KRABD5: variants seen among roughly 807,000 people sequenced by gnomAD.
KRABD5 encodes KRAB domain containing 5, also known as KRAB domain-containing protein 5.
the KRABD5 span, chr16:31,754,179 G>T: frequency 1.5e-6 from 1 of 689,138 alleles, no homozygotes; most frequent in Non-Finnish European, 2.6e-6. Flanking sequence ...TGGAGTAAAT[G>T]TTCAGTCAAA....
the KRABD5 span, among the ~76,000 whole-genome samples, chr16:31,726,497 AC>A: frequency 3.9e-5 from 6 of 152,188 alleles, no homozygotes; most frequent in African/African-American, 7.2e-5. Context: ...GCAGTGGCTC[AC>A]ACCTGTAATC....
chr16:31,726,638 G>GTAA, the KRABD5 span, among the ~76,000 whole-genome samples: 2 of 152,168 alleles, frequency 1.3e-5, no homozygotes, highest in East Asian at 3.8e-4. Flanking sequence ...GTGCATACCT[G>GTAA]TAATGTCAGC....
chr16:31,730,158 C>T, the KRABD5 span, among the ~76,000 whole-genome samples: 3 of 151,964 alleles, frequency 2.0e-5, no homozygotes, highest in Non-Finnish European at 4.4e-5. Context: ...CATTTCATCA[C>T]TTCAACTTGA....
At chr16:31,753,765 G>T in the KRABD5 span, 1 of 1,476,134 alleles carries the variant, frequency 6.8e-7, no homozygotes, top group Non-Finnish European at 9.0e-7. Flanking sequence ...GTATCTTTCA[G>T]ATATCTTTTC....
the KRABD5 span, chr16:31,754,336 A>C: frequency 1.6e-6 from 1 of 612,978 alleles, no homozygotes; most frequent in Admixed American, 2.9e-5. Flanking sequence ...TTCATTCATC[A>C]TTGCTTAATC....
At chr16:31,713,563 C>A in the KRABD5 span, 1 of 1,347,166 alleles carries the variant, frequency 7.4e-7, no homozygotes, top group African/African-American at 1.5e-5. Flanking sequence ...GCCCTTGGTC[C>A]CCTCCGCCGC....
the KRABD5 span, chr16:31,758,227 A>T: frequency 6.6e-6 from 1 of 152,218 alleles, no homozygotes; most frequent in Non-Finnish European, 1.5e-5. Context: ...CAATGGTCCA[A>T]GCTCCAACAA....
chr16:31,732,766 A>G, the KRABD5 span, among the ~76,000 whole-genome samples: 1 of 152,162 alleles, frequency 6.6e-6, no homozygotes, highest in African/African-American at 2.4e-5. Flanking sequence ...TTGAATATTT[A>G]CTCATTAAAA....
chr16:31,753,355 C>T, the KRABD5 span, among the ~76,000 whole-genome samples: 1 of 152,194 alleles, frequency 6.6e-6, no homozygotes, highest in African/African-American at 2.4e-5. Context: ...CCATTTTCTT[C>T]AGCACCACAT....
At chr16:31,728,583 C>T in the KRABD5 span, among the ~76,000 whole-genome samples, 5 of 151,758 alleles carry the variant, frequency 3.3e-5, no homozygotes, top group South Asian at 2.1e-4. Context: ...TTAATATTTA[C>T]GTATTTGTGA....
At chr16:31,729,074 G>A in the KRABD5 span, among the ~76,000 whole-genome samples, 8 of 152,142 alleles carry the variant, frequency 5.3e-5, no homozygotes, top group African/African-American at 1.4e-4. Flanking sequence ...AGCCTGTTTT[G>A]TCTAATGTAA....
chr16:31,734,878 CT>C, the KRABD5 span, among the ~76,000 whole-genome samples: 1 of 151,920 alleles, frequency 6.6e-6, no homozygotes, highest in African/African-American at 2.4e-5. Flanking sequence ...TCCTGAGTAG[CT>C]GTGATTACAG....
the KRABD5 span, chr16:31,713,291 TCAC>T: frequency 1.7e-6 from 2 of 1,211,068 alleles, no homozygotes; most frequent in Admixed American, 4.2e-5. Flanking sequence ...CTCAGTCTCT[TCAC>T]CAGGGGCTCC....
chr16:31,745,941 C>G, the KRABD5 span, among the ~76,000 whole-genome samples: 3 of 151,766 alleles, frequency 2.0e-5, no homozygotes, highest in East Asian at 3.9e-4. Flanking sequence ...GGATTGCAAC[C>G]CCTGCTTTTT....
At chr16:31,753,757 A>G in the KRABD5 span, 166 of 1,462,470 alleles carry the variant, frequency 1.1e-4, no homozygotes, top group Admixed American at 2.2e-4. Context: ...AACTTTTGGT[A>G]TCTTTCAGAT....
the KRABD5 span, among the ~76,000 whole-genome samples, chr16:31,746,563 C>T: frequency 1.7e-4 from 26 of 152,092 alleles, no homozygotes; most frequent in Non-Finnish European, 3.5e-4. Flanking sequence ...TCCTTCATTT[C>T]GACCTTGGAG....
the KRABD5 span, among the ~76,000 whole-genome samples, chr16:31,747,869 C>T: frequency 2.0e-5 from 3 of 152,120 alleles, no homozygotes; most frequent in Non-Finnish European, 4.4e-5. Context: ...TGTTTGAGTT[C>T]ATTGTAGATT....
chr16:31,720,211 C>T, the KRABD5 span, among the ~76,000 whole-genome samples: 1 of 152,352 alleles, frequency 6.6e-6, no homozygotes, highest in Middle Eastern at 3.4e-3. Context: ...CCTCTCCAGC[C>T]TCTGTAGACT....
chr16:31,750,293 G>C, the KRABD5 span, among the ~76,000 whole-genome samples: 3 of 151,972 alleles, frequency 2.0e-5, no homozygotes, highest in African/African-American at 7.2e-5. Context: ...TTCTTTGTGT[G>C]TGTGGCTATT....
Sources: allele counts gnomAD v4.1 joint callset (sites outside exome capture counted in the v4.1 genomes callset), GRCh38; gene constraint gnomAD v4.1.1; transcripts MANE v1.5; gene names NCBI Gene and HGNC (gene_info 2026-07-23, HGNC 2026-07-21).